ZNF407: variants seen among roughly 807,000 people sequenced by gnomAD.
ZNF407 encodes zinc finger protein 407.
In ZNF407, 17 loss-of-function variants were observed where a neutral mutation model predicts 131.2. The observed-to-expected ratio is 0.13, with a 90% confidence interval of 0.09 to 0.19. ZNF407 has a LOEUF of 0.19. ZNF407 is among the 10% of genes least tolerant of loss of function. ZNF407 has a pLI of 1.00. For synonymous variants in ZNF407, 1,156 were observed against 1,062.0 expected, an observed-to-expected ratio of 1.09 and a Z score of -1.72; for missense variants, 2,681 against 2,830.6, an observed-to-expected ratio of 0.95 and a Z score of 1.20.
intron 4 of ZNF407, among the ~76,000 whole-genome samples, chr18:74,811,889 G>C (rs985485624): frequency 4.0e-5 from 6 of 150,646 alleles, no homozygotes; most frequent in African/African-American, 1.5e-4. Flanking sequence ...TAAGGGGAAG[G>C]GGGAGGGGGG....
At chr18:74,887,918 G>A (rs1971332243) in intron 6 of ZNF407, among the ~76,000 whole-genome samples, 1 of 152,108 alleles carries the variant, frequency 6.6e-6, no homozygotes, top group Admixed American at 6.6e-5. Flanking sequence ...ACCACCAAAT[G>A]GGTTGTGTAT....
chr18:74,888,250 CAG>C (rs900700569), intron 6 of ZNF407, among the ~76,000 whole-genome samples: 1 of 151,110 alleles, frequency 6.6e-6, no homozygotes, highest in Non-Finnish European at 1.5e-5. Context: ...TTTTTGAGAA[CAG>C]GGGAGTGAGG....
chr18:74,984,825 T>G (rs923465469), intron 8 of ZNF407, among the ~76,000 whole-genome samples: 6 of 152,238 alleles, frequency 3.9e-5, no homozygotes, highest in African/African-American at 1.2e-4. Flanking sequence ...CATTTGTGAT[T>G]AACAAAGTAT....
At chr18:75,057,421 CCTTT>C (rs1973573835) in intron 8 of ZNF407, among the ~76,000 whole-genome samples, 1 of 152,150 alleles carries the variant, frequency 6.6e-6, no homozygotes, top group African/African-American at 2.4e-5. Context: ...CACAATGTGA[CCTTT>C]CTATTGTCAT....
chr18:74,926,767 A>G (rs1164893225), intron 8 of ZNF407, among the ~76,000 whole-genome samples: 2 of 152,188 alleles, frequency 1.3e-5, no homozygotes, highest in African/African-American at 4.8e-5. Context: ...GCACCATTGC[A>G]CTCCTGCCTG....
At chr18:74,933,075 A>T (rs1005276143) in intron 8 of ZNF407, among the ~76,000 whole-genome samples, 6 of 152,216 alleles carry the variant, frequency 3.9e-5, no homozygotes, top group African/African-American at 1.4e-4. Context: ...GCAAGGTCTC[A>T]AACAGGTGTT....
chr18:74,841,367 C>A (rs531070007), intron 4 of ZNF407, among the ~76,000 whole-genome samples: 1 of 152,134 alleles, frequency 6.6e-6, no homozygotes, highest in East Asian at 1.9e-4. Context: ...GTCACCCTCA[C>A]GGCTGATCAT....
intron 3 of ZNF407, among the ~76,000 whole-genome samples, chr18:74,756,036 G>GGT (rs1968954355): frequency 6.6e-6 from 1 of 150,850 alleles, no homozygotes; most frequent in Admixed American, 6.6e-5. Flanking sequence ...TGGGATTGCA[G>GGT]GTGCGCACCA....
rs758361073 is a variant in ZNF407, at chr18:75,064,122, A to T, written c.6401A>T (p.Asp2134Val). The change falls in exon 9 of 9, where the codon GAT becomes GTT. Residue 2134 changes from aspartate (D) to valine (V), a missense_variant. By Grantham distance (152) the Asp-to-Val change is radical. Around this residue, in one of 6 missense-constraint regions of ZNF407, gnomAD observed 620 missense variants for 583.1 expected, o/e 1.06. Coordinates refer to ENST00000299687, the MANE Select transcript of ZNF407 (RefSeq NM_017757.3). ...CAGGAGGCGCAGGGCGAGCACATGGATCTGGTGGAGTCCGACGGGGAGATC... is the reference window on the plus strand; with the variant it reads ...CAGGAGGCGCAGGGCGAGCACATGGTTCTGGTGGAGTCCGACGGGGAGATC... Reference protein sequence around the residue: ...IMQEAQGEHMDLVESDGEISQ... With the variant: ...IMQEAQGEHMVLVESDGEISQ... The T allele has an allele frequency of 1.9e-6, 3 of 1,598,886 alleles. No individual in the cohort carries two copies. The highest frequency in any genetic ancestry group is 2.6e-6 in the Non-Finnish European group (3 of 1,173,180).
chr18:74,677,030 G>T (rs1484102895), intron 3 of ZNF407, among the ~76,000 whole-genome samples: 1 of 151,900 alleles, frequency 6.6e-6, no homozygotes, highest in Non-Finnish European at 1.5e-5. Flanking sequence ...CCTGCAGCTG[G>T]GACTGTTGTT....
intron 8 of ZNF407, among the ~76,000 whole-genome samples, chr18:75,035,057 C>T (rs931965233): frequency 1.3e-5 from 2 of 152,196 alleles, no homozygotes; most frequent in South Asian, 4.1e-4. Flanking sequence ...TTGGACATTT[C>T]ATTTGTCATC....
rs990823342 is a variant in ZNF407, at chr18:75,004,938, G to A, written c.5429-58212G>A. ...GGCAAATGACCTCAAGCTCCTGAGGGCCTCTATCAGCGGTGTTCCACATTA... is the reference window on the plus strand; with the variant it reads ...GGCAAATGACCTCAAGCTCCTGAGGACCTCTATCAGCGGTGTTCCACATTA... On this transcript the variant is annotated intron_variant, in intron 8 of 8. Transcript: ENST00000299687. Among the ~76,000 whole-genome samples the A allele has an allele frequency of 6.6e-5, 10 of 152,136 alleles. 1 individual carries two copies. The South Asian group carries it at 2.1e-3, about 31-fold the overall frequency.
intron 3 of ZNF407, among the ~76,000 whole-genome samples, chr18:74,681,294 G>C (rs891564677): frequency 1.3e-5 from 2 of 151,900 alleles, no homozygotes; most frequent in Non-Finnish European, 2.9e-5. Context: ...GAAGTTCAGT[G>C]GTGTGATCAT....
intron 4 of ZNF407, among the ~76,000 whole-genome samples, chr18:74,808,641 T>C (rs1475375332): frequency 6.6e-6 from 1 of 152,232 alleles, no homozygotes; most frequent in Non-Finnish European, 1.5e-5. Context: ...TAATGATTAT[T>C]AGCTATATTG....
intron 3 of ZNF407, among the ~76,000 whole-genome samples, chr18:74,689,355 C>G (rs532087180): frequency 1.3e-5 from 2 of 152,266 alleles, no homozygotes; most frequent in East Asian, 3.9e-4. Context: ...ATTCTGGTAG[C>G]TTTTTTGTAA....
chr18:74,638,636 A>T (rs1405902682), intron 2 of ZNF407, among the ~76,000 whole-genome samples: 1 of 152,212 alleles, frequency 6.6e-6, no homozygotes, highest in Admixed American at 6.5e-5. Context: ...GTAATAAGGT[A>T]CCACAAAGAT....
At chr18:74,656,412 A>G (rs1161585391) in intron 3 of ZNF407, among the ~76,000 whole-genome samples, 5 of 152,066 alleles carry the variant, frequency 3.3e-5, no homozygotes, top group African/African-American at 1.2e-4. Flanking sequence ...TTTGTTGAAG[A>G]CCTTAAAGGA....
At chr18:74,721,500 C>T (rs908986952) in intron 3 of ZNF407, among the ~76,000 whole-genome samples, 1 of 152,050 alleles carries the variant, frequency 6.6e-6, no homozygotes, top group African/African-American at 2.4e-5. Context: ...ACCTAAAGAC[C>T]CTGCCAAAAA....
rs2122256974 is a variant in ZNF407 at position 75,048,284 on chromosome 18, A to AT, written c.5429-14861dup. Among the ~76,000 whole-genome samples the AT allele has an allele frequency of 6.6e-6, 1 of 152,226 alleles. No homozygotes were observed. The highest frequency in any genetic ancestry group is 1.5e-5 in the Non-Finnish European group (1 of 68,008). ...TCTGGTATTATGCGTCAGAGGCCTA[A>AT]TTTTTGTCTACATGGTATTTCTTTT... is the stretch of plus-strand genomic sequence containing the variant. On this transcript the variant is annotated intron_variant, in intron 8 of 8. Coordinates refer to ENST00000299687, the MANE Select transcript of ZNF407 (RefSeq NM_017757.3). The surrounding 1 kb of genome is among the most constrained non-coding windows in gnomAD (Gnocchi z 4.1).
Sources: gnomAD v4.1 joint callset for allele counts (sites outside exome capture counted in the v4.1 genomes callset) on GRCh38, gnomAD v4.1.1 for gene constraint, gnomAD v4.1.1 regional missense constraint, Gnocchi (gnomAD v3.1) non-coding constraint, MANE v1.5 for transcripts, NCBI Gene and HGNC (gene_info 2026-07-23, HGNC 2026-07-21) for gene names.